SAMD5: variants seen among roughly 807,000 people sequenced by gnomAD.
SAMD5 encodes sterile alpha motif domain-containing protein 5.
In SAMD5, 13 loss-of-function variants were observed where a neutral mutation model predicts 11.3. The observed-to-expected ratio is 1.15, with a 90% CI of 0.75 to 1.83. The LOEUF (loss-of-function observed/expected upper bound fraction) is 1.83. Ranked by LOEUF, SAMD5 falls within the 40% of genes most tolerant of loss-of-function variation. SAMD5 has a pLI of 0.00. For missense variants in SAMD5, 255 were observed against 239.1 expected (o/e 1.07, Z -0.44); for synonymous variants, 129 against 111.3 (o/e 1.16, Z -1.00).
chr6:147,932,069 A>C, the SAMD5 span, among the ~76,000 whole-genome samples: 8 of 152,198 alleles, frequency 5.3e-5, no homozygotes, highest in African/African-American at 1.9e-4. Context: ...AATAGCATTA[A>C]ATTAGTCCCT....
At chr6:147,858,746 G>C in the SAMD5 span, among the ~76,000 whole-genome samples, 2 of 152,178 alleles carry the variant, frequency 1.3e-5, no homozygotes, top group African/African-American at 4.8e-5. Context: ...AAATTGGTCA[G>C]AAGCTGTGGC....
chr6:147,686,234 CTG>C (rs1310922176), intron 1 of SAMD5, among the ~76,000 whole-genome samples: 3 of 152,148 alleles, frequency 2.0e-5, no homozygotes, highest in African/African-American at 7.2e-5. Flanking sequence ...TTCTCTGACT[CTG>C]TGACGTGTTT....
intron 1 of SAMD5, among the ~76,000 whole-genome samples, chr6:147,690,750 A>C (rs1791089113): frequency 1.3e-5 from 2 of 152,180 alleles, no homozygotes; most frequent in African/African-American, 4.8e-5. Flanking sequence ...TTCTTGTTTC[A>C]ATCTATGTGG....
At chr6:147,954,459 T>C in the SAMD5 span, among the ~76,000 whole-genome samples, 1 of 152,158 alleles carries the variant, frequency 6.6e-6, no homozygotes, top group Non-Finnish European at 1.5e-5. Context: ...CATTATAGCA[T>C]ACTTTATTTT....
intron 1 of SAMD5, among the ~76,000 whole-genome samples, chr6:147,535,904 G>A (rs1272634372): frequency 3.9e-5 from 6 of 152,182 alleles, no homozygotes; most frequent in Non-Finnish European, 7.3e-5. Flanking sequence ...ATGCCGTAAC[G>A]GGCTTTAATT....
chr6:147,832,390 T>C, the SAMD5 span, among the ~76,000 whole-genome samples: 2 of 152,204 alleles, frequency 1.3e-5, no homozygotes, highest in Non-Finnish European at 2.9e-5. Context: ...AATTTCCCTG[T>C]CTTTTTATGT....
At chr6:147,740,619 C>CA (rs1379672344), downstream of SAMD5, among the ~76,000 whole-genome samples, 2 of 152,192 alleles carry the variant, frequency 1.3e-5, no homozygotes, top group African/African-American at 4.8e-5. Context: ...ACTATTCCTT[C>CA]ACCTTTCTGG....
chr6:147,932,631 TG>T, the SAMD5 span, among the ~76,000 whole-genome samples: 3 of 116,704 alleles, frequency 2.6e-5, no homozygotes, highest in Admixed American at 8.0e-5. Context: ...TGTGTGTGTG[TG>T]TGTGTGTTGG....
At chr6:147,936,061 G>T in the SAMD5 span, among the ~76,000 whole-genome samples, 542 of 152,236 alleles carry the variant, frequency 3.6e-3, 3 homozygotes, top group African/African-American at 0.012. Flanking sequence ...CCCTACTGAT[G>T]CTGACAGAGT....
the SAMD5 span, among the ~76,000 whole-genome samples, chr6:147,811,648 G>A: frequency 3.3e-4 from 50 of 152,268 alleles, no homozygotes; most frequent in Middle Eastern, 3.4e-3. Flanking sequence ...AGAAGAGGGG[G>A]AGGGGGTTAT....
chr6:147,534,407 C>A (rs1282308453), intron 1 of SAMD5, among the ~76,000 whole-genome samples: 2 of 152,156 alleles, frequency 1.3e-5, no homozygotes, highest in African/African-American at 4.8e-5. Context: ...TGTAACCACC[C>A]AAGGGCTTTA....
rs1210819831 is a variant in SAMD5 at position 147,509,103 on chromosome 6, G to A, written c.175G>A (p.Val59Met). 4 of 1,586,992 alleles carry A rather than the reference G, an allele frequency of 2.5e-6. No individual in the cohort carries two copies. The highest frequency in any genetic ancestry group is 3.4e-6 in the Non-Finnish European group (4 of 1,168,556). Reference sequence around the variant, plus strand: ...GCACCGCCGCCGTATCCTGGAGGCCGTGCGCCGGCTGCGGGAGCAGGACGC... The same window carrying A: ...GCACCGCCGCCGTATCCTGGAGGCCATGCGCCGGCTGCGGGAGCAGGACGC... ...PAHRRRILEA[V>M]RRLREQDANA... Residue 59 changes from valine to methionine, a missense_variant, in exon 1 of 2, where the codon GTG becomes ATG. Transcript: ENST00000367474.
intron 1 of SAMD5, among the ~76,000 whole-genome samples, chr6:147,528,274 C>T (rs9399606): frequency 0.18 from 27,994 of 152,136 alleles, 3,046 homozygotes; most frequent in East Asian, 0.39. Context: ...ATACCACAGA[C>T]TGAGTGGCTT....
chr6:147,612,696 G>A (rs1488687048), intron 1 of SAMD5, among the ~76,000 whole-genome samples: 1 of 152,218 alleles, frequency 6.6e-6, no homozygotes, highest in Non-Finnish European at 1.5e-5. Flanking sequence ...ACCCGTGGAA[G>A]CACAGAGGAA....
the SAMD5 span, among the ~76,000 whole-genome samples, chr6:147,945,851 A>G: frequency 5.9e-5 from 9 of 152,214 alleles, no homozygotes; most frequent in Middle Eastern, 3.4e-3. Flanking sequence ...CAAAAAAGAG[A>G]GCAAGACGTG....
the SAMD5 span, among the ~76,000 whole-genome samples, chr6:147,938,471 G>T: frequency 6.6e-6 from 1 of 152,228 alleles, no homozygotes; most frequent in Non-Finnish European, 1.5e-5. Flanking sequence ...ACTAGTAGGA[G>T]AGATGGACCA....
At chr6:147,665,140 G>A (rs555096811) in intron 1 of SAMD5, among the ~76,000 whole-genome samples, 2 of 152,088 alleles carry the variant, frequency 1.3e-5, no homozygotes, top group Non-Finnish European at 2.9e-5. Flanking sequence ...CCTTTACTGT[G>A]TTTAGACTTA....
chr6:147,850,207 A>G, the SAMD5 span, among the ~76,000 whole-genome samples: 1 of 152,210 alleles, frequency 6.6e-6, no homozygotes, highest in Non-Finnish European at 1.5e-5. Context: ...CTTTGCAAAG[A>G]CAACATGACA....
chr6:147,798,693 G>A, the SAMD5 span, among the ~76,000 whole-genome samples: 166 of 152,150 alleles, frequency 1.1e-3, 1 homozygote, highest in African/African-American at 3.8e-3. Flanking sequence ...TTATTAATGT[G>A]TGGGAGTCTA....
Sources: gnomAD v4.1 joint callset for allele counts (sites outside exome capture counted in the v4.1 genomes callset) on GRCh38, gnomAD v4.1.1 for gene constraint, MANE v1.5 for transcripts, NCBI Gene and HGNC (gene_info 2026-07-23, HGNC 2026-07-21) for gene names.